Variants in POU6F2 observed in about 807,000 individuals in gnomAD.
POU6F2 encodes the protein POU domain, class 6, transcription factor 2.
POU6F2 carries 31 observed loss-of-function variants against 71.3 expected under a neutral mutation model. That is an observed-to-expected ratio of 0.43 (90% confidence interval 0.33 to 0.59). The LOEUF is 0.59. POU6F2 is among the 20% of genes least tolerant of loss of function. The pLI, the probability that POU6F2 is intolerant of heterozygous loss-of-function variation, is 0.04. For synonymous variants in POU6F2, 347 were observed against 355.7 expected (o/e 0.98, Z 0.27); for missense variants, 783 against 856.8 (o/e 0.91, Z 1.07).
chr7:39,001,801 G>A (rs1788921029), intron 1 of POU6F2, among the ~76,000 whole-genome samples: 1 of 152,002 alleles, frequency 6.6e-6, no homozygotes, highest in African/African-American at 2.4e-5. Context: ...AATGATGATG[G>A]TGATGGTAGT....
At chr7:39,429,973 C>G (rs1788060028) in intron 6 of POU6F2, among the ~76,000 whole-genome samples, 1 of 152,192 alleles carries the variant, frequency 6.6e-6, no homozygotes, top group African/African-American at 2.4e-5. Context: ...TTTGCCATCT[C>G]AGCTCCCCCG....
In POU6F2 at chr7:39,235,897, C is replaced by T. The variant is rs572505997; in HGVS notation, c.598+28277C>T. Reference sequence around the variant, plus strand: ...ATCACACAGATGTCTTCTTTCCAATCGAGAGCATCATTTGATGACTTTGAA... The same window carrying T: ...ATCACACAGATGTCTTCTTTCCAATTGAGAGCATCATTTGATGACTTTGAA... On this transcript the variant is annotated intron_variant, in intron 4 of 9. Coordinates refer to ENST00000518318, the MANE Select transcript of POU6F2 (RefSeq NM_001370959.1). Among the ~76,000 whole-genome samples, 52 of 152,174 alleles carry T rather than the reference C, an allele frequency of 3.4e-4. 3 individuals are homozygous for T. In the South Asian group the frequency reaches 9.8e-3, roughly 29 times the overall value.
intron 6 of POU6F2, among the ~76,000 whole-genome samples, chr7:39,419,166 C>T (rs1421146331): frequency 8.7e-6 from 1 of 114,630 alleles, no homozygotes; most frequent in Non-Finnish European, 1.8e-5. Flanking sequence ...TATATATACA[C>T]ATATATATAC....
At chr7:39,142,418 T>A (rs1250888509) in intron 2 of POU6F2, among the ~76,000 whole-genome samples, 1 of 152,240 alleles carries the variant, frequency 6.6e-6, no homozygotes, top group African/African-American at 2.4e-5. Flanking sequence ...GAAAATTGTT[T>A]ACAAGCTTGT....
intron 4 of POU6F2, among the ~76,000 whole-genome samples, chr7:39,294,143 A>T (rs1784809762): frequency 6.6e-6 from 1 of 151,754 alleles, no homozygotes; most frequent in African/African-American, 2.4e-5. Context: ...GTCTAGTGAG[A>T]TCATTTCACT....
chr7:39,248,657 A>G (rs1584624179), intron 4 of POU6F2, among the ~76,000 whole-genome samples: 1 of 152,330 alleles, frequency 6.6e-6, no homozygotes, highest in East Asian at 1.9e-4. Context: ...TTAAATCCTT[A>G]TCATCAGAAT....
At chr7:39,191,796 TCTTTTAGCAATAGATA>T (rs1793675181) in intron 2 of POU6F2, among the ~76,000 whole-genome samples, 2 of 152,222 alleles carry the variant, frequency 1.3e-5, no homozygotes, top group South Asian at 4.1e-4. Flanking sequence ...GTTAATAGCA[TCTTTTAGCAATAGATA>T]CTTTTTCAAT....
At chr7:39,398,041 A>T (rs529066994) in intron 5 of POU6F2, among the ~76,000 whole-genome samples, 233 of 148,204 alleles carry the variant, frequency 1.6e-3, no homozygotes, top group Non-Finnish European at 2.5e-3. Flanking sequence ...ACGTATTTTT[A>T]AAAAAAAAAC....
At position 39,222,941 on chromosome 7, in the gene POU6F2, A is replaced by G. The variant is rs77766889; in HGVS notation, c.598+15321A>G. Among the ~76,000 whole-genome samples the G allele has an allele frequency of 3.7e-3, 569 of 152,328 alleles. 7 individuals are homozygous for G. The highest frequency in any genetic ancestry group is 0.013 in the African/African-American group (553 of 41,572). ...GAATGCTAGATCATACGGTAATTCT[A>G]CATCTAATCATTTGGCGAGTTGCCA... On this transcript the variant is annotated intron_variant, in intron 4 of 9. Coordinates refer to ENST00000518318, the MANE Select transcript of POU6F2 (RefSeq NM_001370959.1).
intron 5 of POU6F2, among the ~76,000 whole-genome samples, chr7:39,393,159 G>A (rs1464724927): frequency 1.3e-5 from 2 of 152,128 alleles, no homozygotes; most frequent in African/African-American, 4.8e-5. Flanking sequence ...AATGTGTTTA[G>A]AACAAACTAT....
chr7:39,269,752 G>C (rs1163433210), intron 4 of POU6F2, among the ~76,000 whole-genome samples: 2 of 152,222 alleles, frequency 1.3e-5, no homozygotes, highest in African/African-American at 4.8e-5. Context: ...GTGCAAGCCA[G>C]GAGCTTGGGA....
intron 4 of POU6F2, among the ~76,000 whole-genome samples, chr7:39,221,859 A>G (rs1161367315): frequency 1.3e-5 from 2 of 152,176 alleles, no homozygotes; most frequent in African/African-American, 2.4e-5. Flanking sequence ...TCTGTATGTT[A>G]TTCATTATAG....
chr7:39,202,490 G>A (rs1308938409), intron 2 of POU6F2, among the ~76,000 whole-genome samples: 1 of 152,160 alleles, frequency 6.6e-6, no homozygotes, highest in South Asian at 2.1e-4. Flanking sequence ...AGCCATTTGA[G>A]AATTTGCCTA....
intron 4 of POU6F2, among the ~76,000 whole-genome samples, chr7:39,280,040 C>T (rs2128759464): frequency 6.6e-6 from 1 of 152,198 alleles, no homozygotes; most frequent in African/African-American, 2.4e-5. Context: ...TCTCCGTGCC[C>T]AGCCCAAATT....
chr7:39,215,126 C>T (rs1794214123), intron 4 of POU6F2, among the ~76,000 whole-genome samples: 1 of 152,178 alleles, frequency 6.6e-6, no homozygotes, highest in African/African-American at 2.4e-5. Flanking sequence ...AGGCCAATTA[C>T]CTGAGGTCAC....
chr7:39,399,868 AAAAG>A (rs201726770), intron 5 of POU6F2, among the ~76,000 whole-genome samples: 32 of 64,694 alleles, frequency 4.9e-4, no homozygotes, highest in East Asian at 1.3e-3. Flanking sequence ...AACAAAAAAA[AAAAG>A]AAAGAAAGAA....
chr7:39,257,750 T>C (rs1416784738), intron 4 of POU6F2, among the ~76,000 whole-genome samples: 3 of 152,132 alleles, frequency 2.0e-5, no homozygotes, highest in Admixed American at 2.0e-4. Context: ...CAACATCACA[T>C]ACAGCATCAC....
At chr7:39,133,056 A>G in intron 2 of POU6F2, among the ~76,000 whole-genome samples, 1 of 152,218 alleles carries the variant, frequency 6.6e-6, no homozygotes, top group East Asian at 1.9e-4. Flanking sequence ...AAAACATCAC[A>G]TTCTACTATG....
chr7:39,461,159 A>AT (rs1788941307), intron 9 of POU6F2, among the ~76,000 whole-genome samples: 1 of 152,226 alleles, frequency 6.6e-6, no homozygotes, highest in East Asian at 1.9e-4. Context: ...TTAAAAAAAA[A>AT]TTAACTATCT....
Sources: allele counts gnomAD v4.1 joint callset (sites outside exome capture counted in the v4.1 genomes callset), GRCh38; gene constraint gnomAD v4.1.1; transcripts MANE v1.5; gene names NCBI Gene and HGNC (gene_info 2026-07-23, HGNC 2026-07-21).